PIGF: variants seen among roughly 807,000 people sequenced by gnomAD.
The protein encoded by PIGF is phosphatidylinositol glycan anchor biosynthesis class F, also known as GPI ethanolamine phosphate transferase, stabilizing subunit.
Under a neutral mutation model 26.0 loss-of-function variants are expected in PIGF, and 23 were observed. The ratio of observed to expected loss-of-function variants is 0.88; its 90% CI spans 0.64 to 1.25. The LOEUF is 1.25. Among genes scored for constraint, PIGF ranks in the 50% most tolerant of loss-of-function variants. The pLI is 0.00. For missense variants in PIGF, 278 were observed against 249.9 expected (o/e 1.11, Z -0.76); for synonymous variants, 93 against 92.6 (o/e 1.00, Z -0.03).
chr2:46,607,942 C>G (rs1248341011), intron 4 of PIGF, among the ~76,000 whole-genome samples: 1 of 152,134 alleles, frequency 6.6e-6, no homozygotes, highest in African/African-American at 2.4e-5. Flanking sequence ...AAGTGATCTG[C>G]CTGTCTCAGC....
intron 4 of PIGF, among the ~76,000 whole-genome samples, chr2:46,609,691 G>A (rs1020377881): frequency 4.6e-5 from 7 of 152,078 alleles, no homozygotes; most frequent in Admixed American, 2.6e-4. Context: ...GAACAGGGAC[G>A]GGAGAGAGAG....
intron 2 of PIGF, 168 bp from the exon 3 acceptor site, chr2:46,613,953 C>T: frequency 1.8e-6 from 1 of 563,236 alleles, no homozygotes; most frequent in Non-Finnish European, 3.1e-6. Flanking sequence ...CATACACAGC[C>T]TTCGATACAG....
rs1308891237 is a variant in PIGF at position 46,613,760 on chromosome 2, A to C, written c.254T>G (p.Ile85Ser). ...HKVTGFLKCC[I>S]YFLMSCFSFH... Reference sequence around the variant, plus strand: ...GGAGAAACAAGACATAAGAAAGTAGATACAGCATTTCAAAAATCCAGTTAC... The same window carrying C: ...GGAGAAACAAGACATAAGAAAGTAGCTACAGCATTTCAAAAATCCAGTTAC... The change falls in exon 3 of 6, where the codon ATC (isoleucine) becomes AGC (serine). Residue 85 changes from isoleucine to serine, a missense_variant. Ile to Ser is a moderately radical substitution (Grantham distance 142, BLOSUM62 -2). Transcript: ENST00000281382. 15 of 1,554,810 alleles carry C rather than the reference A, an allele frequency of 9.6e-6. No individual in the cohort carries two copies. The highest frequency in any genetic ancestry group is 1.3e-5 in the Non-Finnish European group (15 of 1,131,232).
rs145650419 is a variant in PIGF at position 46,584,130 on chromosome 2, C to G, written c.547-2539G>C. Among the ~76,000 whole-genome samples the G allele has an allele frequency of 2.5e-4, 38 of 152,154 alleles. 1 individual carries two copies. The East Asian group carries it at 6.9e-3, about 28-fold the overall frequency. On this transcript the variant is annotated intron_variant, in intron 5 of 5. Coordinates refer to ENST00000281382, the MANE Select transcript of PIGF (RefSeq NM_002643.4). ...ACTATTTAAAATACCAAATTAAATA[C>G]CAGTTTGTTGGTTGTTACTTTTAAA... is the stretch of plus-strand genomic sequence containing the variant.
At chr2:46,607,739 G>C (rs968917890) in intron 4 of PIGF, among the ~76,000 whole-genome samples, 1 of 151,912 alleles carries the variant, frequency 6.6e-6, no homozygotes. Context: ...CTATCGCCCA[G>C]GCTGGAGTGC....
chr2:46,614,853 T>C, intron 2 of PIGF, 84 bp downstream of exon 2: 1 of 676,302 alleles, frequency 1.5e-6, no homozygotes, highest in Non-Finnish European at 2.6e-6. Flanking sequence ...AATAAGCTAA[T>C]AAAGACTTGA....
At chr2:46,587,243 A>G (rs1254948036) in intron 5 of PIGF, among the ~76,000 whole-genome samples, 2 of 152,200 alleles carry the variant, frequency 1.3e-5, no homozygotes, top group African/African-American at 4.8e-5. Context: ...CAATTAACGT[A>G]AAAACCTGCA....
chr2:46,599,016 T>C (rs1292451368), intron 4 of PIGF, among the ~76,000 whole-genome samples: 2 of 152,284 alleles, frequency 1.3e-5, no homozygotes, highest in East Asian at 3.9e-4. Context: ...AATATTTCAA[T>C]ATTCTGCCTA....
intron 5 of PIGF, chr2:46,591,709 G>T (rs541612059): frequency 1.8e-6 from 2 of 1,106,918 alleles, no homozygotes; most frequent in South Asian, 3.8e-5. Context: ...TAAAGATACA[G>T]TCATCACTGT....
rs1669548325 is a variant in PIGF at position 46,585,677 on chromosome 2, T to G, written c.547-4086A>C. Among the ~76,000 whole-genome samples the G allele has an allele frequency of 2.0e-5, 3 of 152,220 alleles. No homozygotes were observed. The South Asian group carries it at 6.2e-4, about 31-fold the overall frequency. On this transcript the variant is annotated intron_variant, in intron 5 of 5. Transcript: ENST00000281382. ...ATTTCTTTGGTCACTGACACTACTA[T>G]GTAATAAGTAGAACCGGCAGTTTAG...
intron 3 of PIGF, among the ~76,000 whole-genome samples, chr2:46,613,248 A>T (rs1177871615): frequency 6.6e-6 from 1 of 152,166 alleles, no homozygotes; most frequent in Non-Finnish European, 1.5e-5. Flanking sequence ...AAAGTGTTAA[A>T]TTTTACCTTT....
At position 46,581,407 on chromosome 2, in the gene PIGF, G is replaced by A; in HGVS notation, c.*71C>T. The A allele has an allele frequency of 6.4e-7, 1 of 1,556,476 alleles. No homozygotes were observed. Among genetic ancestry groups the A allele is most frequent in the East Asian group, 2.4e-5 (1 of 41,888 alleles). ...AACAGAGCTGTAAATGGAACTGCTT[G>A]GCTTTGACCATACACATTTCTGCCC... On this transcript the variant is annotated 3_prime_UTR_variant, in exon 6 of 6. Coordinates refer to ENST00000281382, the MANE Select transcript of PIGF (RefSeq NM_002643.4).
chr2:46,595,541 G>A (rs537200812), intron 4 of PIGF, among the ~76,000 whole-genome samples: 2 of 152,252 alleles, frequency 1.3e-5, no homozygotes, highest in African/African-American at 4.8e-5. Context: ...TGGTTATTAT[G>A]AATAATGTTG....
intron 4 of PIGF, among the ~76,000 whole-genome samples, chr2:46,609,348 T>TTGTA: frequency 6.6e-6 from 1 of 152,352 alleles, no homozygotes; most frequent in South Asian, 2.1e-4. Context: ...GCTTAGAATG[T>TTGTA]TGTACCTGGT....
intron 4 of PIGF, among the ~76,000 whole-genome samples, chr2:46,599,021 T>C (rs961342122): frequency 2.0e-5 from 3 of 152,196 alleles, no homozygotes; most frequent in African/African-American, 7.2e-5. Flanking sequence ...TTCAATATTC[T>C]GCCTAGATGG....
At chr2:46,610,201 C>A (rs753236047) in intron 4 of PIGF, among the ~76,000 whole-genome samples, 14 of 152,140 alleles carry the variant, frequency 9.2e-5, no homozygotes, top group Non-Finnish European at 1.9e-4. Context: ...GTTTTTACTG[C>A]CCATTTTGTA....
intron 4 of PIGF, among the ~76,000 whole-genome samples, chr2:46,602,544 C>T (rs1360400636): frequency 1.3e-5 from 2 of 151,750 alleles, no homozygotes; most frequent in African/African-American, 4.8e-5. Context: ...GAATTATTCA[C>T]ATTTTAATAA....
chr2:46,605,059 G>A (rs954259801), intron 4 of PIGF, among the ~76,000 whole-genome samples: 2 of 151,778 alleles, frequency 1.3e-5, no homozygotes, highest in South Asian at 4.1e-4. Flanking sequence ...CTACATATTG[G>A]AGCAATTTCA....
chr2:46,588,036 C>T lies in PIGF; in HGVS notation c.546+4439G>A. 3 of 1,496,950 alleles carry T rather than the reference C, an allele frequency of 2.0e-6. No individual in the cohort carries two copies. Among genetic ancestry groups the T allele is most frequent in the South Asian group, 2.6e-5 (2 of 76,112 alleles). The allele number at this position is 1,496,950 out of a possible 1,614,324, so 92.7% of individuals were successfully genotyped here. A position where few individuals can be genotyped will look rare whatever the true frequency, so the allele number is the denominator to read the frequency against. Reference sequence around the variant, plus strand: ...AGATGTGTACTCCTCCCCTCTCACACTTGGACTTTCTAGTGTATAAAATGG... The same window carrying T: ...AGATGTGTACTCCTCCCCTCTCACATTTGGACTTTCTAGTGTATAAAATGG... On this transcript the variant is annotated intron_variant, in intron 5 of 5. Transcript: ENST00000281382. The surrounding 1 kb of genome is among the most constrained non-coding windows in gnomAD (Gnocchi z 4.1).
Sources: gnomAD v4.1 joint callset for allele counts (sites outside exome capture counted in the v4.1 genomes callset) on GRCh38, gnomAD v4.1.1 for gene constraint, Gnocchi (gnomAD v3.1) non-coding constraint, MANE v1.5 for transcripts, NCBI Gene and HGNC (gene_info 2026-07-23, HGNC 2026-07-21) for gene names.